The following APBB2 variants were observed in gnomAD, a reference collection of about 807,000 sequenced individuals.
APBB2 encodes Fe65-like 1.
A neutral mutation model predicts 82.5 loss-of-function variants in APBB2; 38 were observed. The observed-to-expected ratio is 0.46, with a 90% confidence interval of 0.36 to 0.60. The LOEUF (loss-of-function observed/expected upper bound fraction) is 0.60. Among genes scored for constraint, APBB2 ranks in the 20% least tolerant of loss-of-function variants. The pLI is 0.00. For synonymous variants in APBB2, 341 were observed against 368.2 expected, an observed-to-expected ratio of 0.93 and a Z score of 0.85; for missense variants, 772 against 972.3, an observed-to-expected ratio of 0.79 and a Z score of 2.74.
intron 4 of APBB2, among the ~76,000 whole-genome samples, chr4:41,043,813 C>CCTTTTCTTT (rs1579502985): frequency 6.6e-6 from 1 of 152,136 alleles, no homozygotes; most frequent in East Asian, 1.9e-4. Context: ...TAATCTACAT[C>CCTTTTCTTT]GCCTCTATCC....
intron 3 of APBB2, among the ~76,000 whole-genome samples, chr4:41,093,342 T>G (rs1742421282): frequency 6.6e-6 from 1 of 152,188 alleles, no homozygotes; most frequent in South Asian, 2.1e-4. Context: ...CATCCTGAGA[T>G]AAACATAGGC....
At chr4:41,170,322 T>G (rs75690280) in intron 1 of APBB2, among the ~76,000 whole-genome samples, 1 of 152,206 alleles carries the variant, frequency 6.6e-6, no homozygotes, top group Non-Finnish European at 1.5e-5. Context: ...AATTCCCACA[T>G]TTGCATTCAT....
intron 2 of APBB2, among the ~76,000 whole-genome samples, chr4:41,112,724 TG>T (rs1214876429): frequency 1.3e-5 from 2 of 152,180 alleles, no homozygotes; most frequent in Admixed American, 6.5e-5. Context: ...GCGTGGTGGC[TG>T]ACGCCTGTAA....
chr4:41,027,702 C>G (rs545086759), intron 5 of APBB2, among the ~76,000 whole-genome samples: 36 of 152,210 alleles, frequency 2.4e-4, no homozygotes, highest in African/African-American at 8.2e-4. Flanking sequence ...TAAATATGTA[C>G]CAAGAGCCTA....
chr4:40,929,626 G>A lies in APBB2; in HGVS notation c.1254+4830C>T, dbSNP rs140332354. ...ATAAGGGGAAATTTTAAAACTAGGG[G>A]GTAGTAGCTCACACACAATAAACTA... On this transcript the variant is annotated intron_variant, in intron 10 of 17. Transcript: ENST00000508593. Among the ~76,000 whole-genome samples, 182 of 152,234 alleles carry A rather than the reference G, an allele frequency of 1.2e-3. 1 individual carries two copies. The highest frequency in any genetic ancestry group is 4.2e-3 in the African/African-American group (173 of 41,548).
At chr4:41,106,813 T>G (rs571650309) in intron 2 of APBB2, among the ~76,000 whole-genome samples, 1 of 152,236 alleles carries the variant, frequency 6.6e-6, no homozygotes, top group African/African-American at 2.4e-5. Flanking sequence ...CCCAAGTACC[T>G]AGATCTTGGT....
At chr4:41,029,174 T>C (rs1160774034) in intron 5 of APBB2, among the ~76,000 whole-genome samples, 1 of 152,220 alleles carries the variant, frequency 6.6e-6, no homozygotes, top group Non-Finnish European at 1.5e-5. Flanking sequence ...GAGGAGTTAA[T>C]AGTGAAACCT....
chr4:40,943,975 A>T (rs1467677340), intron 7 of APBB2, among the ~76,000 whole-genome samples: 1 of 152,252 alleles, frequency 6.6e-6, no homozygotes, highest in East Asian at 1.9e-4. Context: ...AGGAAATAAG[A>T]CATTGTCTAC....
chr4:40,893,411 A>T lies in APBB2; in HGVS notation c.1255T>A (p.Cys419Ser). 1 of 1,606,562 alleles carries T rather than the reference A, an allele frequency of 6.2e-7. No individual in the cohort carries two copies. Among genetic ancestry groups the T allele is most frequent in the South Asian group, 1.1e-5 (1 of 89,902 alleles). The change falls in exon 11 of 18, where the codon TGT (cysteine) becomes AGT (serine). Residue 419 changes from cysteine (C) to serine (S), a missense_variant and splice_region_variant. Physicochemically the swap from Cys to Ser is moderately radical, Grantham distance 112. Coordinates refer to ENST00000508593, the MANE Select transcript of APBB2 (RefSeq NM_004307.2). ...CSINSDPEAK[C>S]FAVRSLGWVE... ...CATCCCAGAGAACGCACAGCAAAAC[A>T]CTGGAAGACAGTGAAAGAGGACAAG...
At chr4:40,967,404 G>A (rs945965492) in intron 6 of APBB2, among the ~76,000 whole-genome samples, 1 of 152,218 alleles carries the variant, frequency 6.6e-6, no homozygotes, top group Non-Finnish European at 1.5e-5. Context: ...CTTTTGGGGA[G>A]CCCAGGCCTA....
intron 4 of APBB2, among the ~76,000 whole-genome samples, chr4:41,034,586 A>G (rs1293686462): frequency 6.6e-6 from 1 of 152,224 alleles, no homozygotes; most frequent in East Asian, 1.9e-4. Flanking sequence ...TGGCCTCCCA[A>G]AGTGCTGGGA....
At chr4:40,880,145 G>A in intron 12 of APBB2, 1 of 985,410 alleles carries the variant, frequency 1.0e-6, no homozygotes, top group Non-Finnish European at 1.2e-6. Context: ...GGCACACAGA[G>A]CGCCCCTAAC....
chr4:41,192,378 G>T (rs761106277), intron 1 of APBB2, among the ~76,000 whole-genome samples: 1 of 152,080 alleles, frequency 6.6e-6, no homozygotes, highest in African/African-American at 2.4e-5. Flanking sequence ...GCCAAGATAC[G>T]GAAACAACCT....
chr4:40,964,335 C>T (rs953049504), intron 6 of APBB2, among the ~76,000 whole-genome samples: 1 of 152,044 alleles, frequency 6.6e-6, no homozygotes, highest in African/African-American at 2.4e-5. Context: ...AAAAACAGTC[C>T]ATAACTGATT....
chr4:41,184,982 C>T (rs575817233), intron 1 of APBB2, among the ~76,000 whole-genome samples: 4 of 152,340 alleles, frequency 2.6e-5, no homozygotes, highest in South Asian at 2.1e-4. Flanking sequence ...TTTCAGCGTC[C>T]GCCTGTGGAG....
Position 40,922,125 on chromosome 4 carries a change from T to C in APBB2, c.1254+12331A>G, listed in dbSNP as rs545132896. 6.6e-4 allele frequency among the ~76,000 whole-genome samples: 101 copies of C among 152,328 alleles called. 1 individual carries two copies. In the South Asian group the frequency reaches 0.02, roughly 30 times the overall value. ...GGTCTCCTAAAGCTAAGTGAAATTA[T>C]TTATGTGTTAGGGCTTAGTGAACTC... On this transcript the variant is annotated intron_variant, in intron 10 of 17. Transcript: ENST00000508593.
At chr4:41,184,417 C>T (rs535455073) in intron 1 of APBB2, among the ~76,000 whole-genome samples, 5 of 152,204 alleles carry the variant, frequency 3.3e-5, no homozygotes, top group Non-Finnish European at 7.3e-5. Flanking sequence ...AGCTCACACA[C>T]TGGCCCCCTT....
chr4:41,107,010 CA>C (rs879357013), intron 2 of APBB2, among the ~76,000 whole-genome samples: 135 of 141,306 alleles, frequency 9.6e-4, no homozygotes, highest in East Asian at 4.1e-3. Flanking sequence ...GCAGTTTGAA[CA>C]AAAAAAAAAA....
At chr4:41,151,196 T>C (rs1415038070) in intron 1 of APBB2, among the ~76,000 whole-genome samples, 1 of 152,212 alleles carries the variant, frequency 6.6e-6, no homozygotes, top group Admixed American at 6.5e-5. Context: ...TTAAAATTGT[T>C]AACATATAAT....
Sources: allele counts gnomAD v4.1 joint callset (sites outside exome capture counted in the v4.1 genomes callset), GRCh38; gene constraint gnomAD v4.1.1; transcripts MANE v1.5; gene names NCBI Gene and HGNC (gene_info 2026-07-23, HGNC 2026-07-21).